ARMCX4: variants seen among roughly 807,000 people sequenced by gnomAD.
The protein encoded by ARMCX4 is armadillo repeat containing X-linked 4.
Under a neutral mutation model 34.7 loss-of-function variants are expected in ARMCX4, and 3 were observed. The observed-to-expected ratio is 0.09, with a 90% CI of 0.04 to 0.22. The LOEUF (loss-of-function observed/expected upper bound fraction) is 0.22, where lower values mean the gene tolerates loss of function less well. ARMCX4 is among the 10% of genes least tolerant of loss of function. The probability of loss-of-function intolerance (pLI) is 1.00; values close to 1 mark genes in which losing one functional copy is unlikely to be tolerated. For synonymous variants in ARMCX4, 513 were observed against 632.8 expected, an observed-to-expected ratio of 0.81 and a Z score of 2.84; for missense variants, 1,448 against 1,720.8, an observed-to-expected ratio of 0.84 and a Z score of 2.81.
At chrX:101,449,085 T>C (rs1451403291), downstream of ARMCX4, among the ~76,000 whole-genome samples, 1 of 109,605 alleles carries the variant, frequency 9.1e-6, no homozygotes, top group Admixed American at 9.7e-5. Context: ...TTCTGTATTT[T>C]TAGTAGAGAC....
At chrX:101,515,360 T>TTTCTTTCTTTCTTTCTTTCTTTCTTTCC (rs1569346499) in intron 11 of ARMCX4, among the ~76,000 whole-genome samples, 1 of 49,072 alleles carries the variant, frequency 2.0e-5, no homozygotes, top group East Asian at 6.2e-4. Context: ...TCTTTCTTTC[T>TTTCTTTCTTTCTTTCTTTCTTTCTTTCC]TTCTTTCTTT....
chrX:101,462,638 CA>C (rs34826497), intron 4 of ARMCX4, among the ~76,000 whole-genome samples: 966 of 40,613 alleles, frequency 0.024, 8 homozygotes, highest in African/African-American at 0.074. Context: ...GACTCTGTCT[CA>C]AAAAAAAAAA....
chrX:101,503,997 C>CTACA lies in ARMCX4; in HGVS notation c.*1178-937_*1178-934dup, dbSNP rs1418189858. On this transcript the variant is annotated intron_variant and NMD_transcript_variant, in intron 7 of 12. Transcript: ENST00000354842. ...AAGGAAGGGATCCAGTTTCAGCTTT[C>CTACA]TACATATGGCTAGCCAGTTTTCCCA... Among the ~76,000 whole-genome samples the CTACA allele has an allele frequency of 7.2e-5, 8 of 111,567 alleles. No homozygotes were observed. In the South Asian group the frequency reaches 2.2e-3, roughly 31 times the overall value.
chrX:101,451,579 G>GA (rs1555999094), downstream of ARMCX4, among the ~76,000 whole-genome samples: 1 of 109,499 alleles, frequency 9.1e-6, no homozygotes, highest in Non-Finnish European at 1.9e-5. Flanking sequence ...GCTTTTTTGT[G>GA]TAGTTGATAA....
At chrX:101,442,249 A>G (rs957653899) in intron 2 of ARMCX4, among the ~76,000 whole-genome samples, 2 of 112,228 alleles carry the variant, frequency 1.8e-5, no homozygotes, top group African/African-American at 6.5e-5. Context: ...CTCGAGAGCT[A>G]TTGTGAAACA....
At chrX:101,484,281 C>G (rs965113958), upstream of ARMCX4, among the ~76,000 whole-genome samples, 5 of 111,623 alleles carry the variant, frequency 4.5e-5, no homozygotes, top group Non-Finnish European at 7.5e-5. Context: ...ATGGCAGACA[C>G]CGGCGAGATC....
chrX:101,443,545 G>A (rs1931440856), intron 2 of ARMCX4, among the ~76,000 whole-genome samples: 1 of 111,985 alleles, frequency 8.9e-6, no homozygotes, highest in African/African-American at 3.2e-5. Context: ...AGCTAGACAT[G>A]GAAGGAATAA....
chrX:101,508,431 G>A (rs782648474), intron 8 of ARMCX4, among the ~76,000 whole-genome samples: 4 of 111,209 alleles, frequency 3.6e-5, no homozygotes, highest in Non-Finnish European at 7.5e-5. Context: ...TTGTTGTGTC[G>A]TCACATGGCC....
intron 4 of ARMCX4, among the ~76,000 whole-genome samples, chrX:101,469,498 T>C (rs1441451351): frequency 6.2e-5 from 7 of 112,008 alleles, no homozygotes; most frequent in African/African-American, 2.3e-4. Flanking sequence ...ATGAAACTCA[T>C]AGAAAAAGGT....
chrX:101,527,555 A>T (rs1180794374), intron 11 of ARMCX4, among the ~76,000 whole-genome samples: 18 of 111,857 alleles, frequency 1.6e-4, no homozygotes, highest in African/African-American at 5.2e-4. Context: ...GGTTTTTTGA[A>T]AAGATCAACA....
intron 4 of ARMCX4, among the ~76,000 whole-genome samples, chrX:101,457,903 C>T (rs1431621862): frequency 2.7e-5 from 3 of 109,694 alleles, no homozygotes; most frequent in Non-Finnish European, 5.7e-5. Context: ...CCACCATGCC[C>T]GGCTATTTTT....
At chrX:101,516,994 C>T (rs782402879) in intron 11 of ARMCX4, 4 of 112,050 alleles carry the variant, frequency 3.6e-5, no homozygotes, top group African/African-American at 1.3e-4. Flanking sequence ...TGCCACCAGC[C>T]TGGATAGTTG....
chrX:101,493,721 C>A lies in ARMCX4; in HGVS notation c.5132C>A (p.Ala1711Asp). 1 of 1,153,910 alleles carries A rather than the reference C, an allele frequency of 8.7e-7. No homozygotes were observed. The highest frequency in any genetic ancestry group is 1.1e-6 in the Non-Finnish European group (1 of 872,375). ...GACCAGGCCACTGGAGGATCCTGGG[C>A]TAGATCTGAGGACCAGGCCAGTGGA... ...SEDQATGGSW[A>D]RSEDQASGRF... Residue 1711 changes from alanine to aspartate, a missense_variant, in exon 6 of 6, where the codon GCT becomes GAT. Physicochemically the swap from Ala to Asp is moderately radical, Grantham distance 126. Transcript: ENST00000423738.
intron 4 of ARMCX4, among the ~76,000 whole-genome samples, chrX:101,470,380 TG>T (rs1932873357): frequency 9.0e-6 from 1 of 111,089 alleles, no homozygotes. Context: ...TGGCACAATC[TG>T]GGCTCACTGC....
At chrX:101,481,133 CA>C (rs782107689), upstream of ARMCX4, among the ~76,000 whole-genome samples, 2 of 110,302 alleles carry the variant, frequency 1.8e-5, no homozygotes, top group South Asian at 3.8e-4. Flanking sequence ...CAAAACAAAA[CA>C]AAAAAAAGGA....
At chrX:101,444,868 C>T (rs1353629904) in intron 3 of ARMCX4, among the ~76,000 whole-genome samples, 1 of 111,345 alleles carries the variant, frequency 9.0e-6, no homozygotes, top group Non-Finnish European at 1.9e-5. Flanking sequence ...GATCTACTCT[C>T]TTAGCAAATT....
chrX:101,493,676 G>C lies in ARMCX4; in HGVS notation c.5087G>C (p.Gly1696Ala). The C allele has an allele frequency of 1.7e-6, 2 of 1,154,402 alleles. No individual in the cohort carries two copies. The highest frequency in any genetic ancestry group is 3.8e-5 in the South Asian group (2 of 52,579). The stretch of plus-strand genomic sequence containing the variant: ...AGGCCTGGGAATGAGGCCATTGGAG[G>C]ATCTAGGATGGGATCTGAGGACCAG... ...GSRPGNEAIG[G>A]SRMGSEDQAT... The change falls in exon 6 of 6, where the codon GGA (glycine) becomes GCA (alanine). Residue 1696 changes from glycine (G) to alanine (A), a missense_variant. Gly to Ala is a moderately conservative substitution (Grantham distance 60). This residue lies in a region of ARMCX4 where 1,343 missense variants were observed against 1,540.7 expected (regional missense o/e 0.87). Coordinates refer to ENST00000423738, the MANE Select transcript of ARMCX4 (RefSeq NM_001256155.3).
chrX:101,424,700 C>T lies in ARMCX4; in HGVS notation n.164+5700C>T, dbSNP rs918567868. The stretch of plus-strand genomic sequence containing the variant: ...AGGAAAATCCACATTTTGTTTACTC[C>T]CCCCTGTATCTTACAGTGAGAGTGA... On this transcript the variant is annotated intron_variant and non_coding_transcript_variant, in intron 2 of 3. Coordinates refer to the ARMCX4 transcript ENST00000430461. Among the ~76,000 whole-genome samples the T allele has an allele frequency of 1.1e-3, 121 of 111,712 alleles. 1 individual carries two copies. The highest frequency in any genetic ancestry group is 6.1e-3 in the Admixed American group (64 of 10,497).
chrX:101,441,591 TACAC>T (rs10631945), intron 2 of ARMCX4, among the ~76,000 whole-genome samples: 2 of 104,722 alleles, frequency 1.9e-5, no homozygotes, highest in Non-Finnish European at 2.0e-5. Flanking sequence ...TATACATACA[TACAC>T]ACACACACAC....
Sources: allele counts gnomAD v4.1 joint callset (sites outside exome capture counted in the v4.1 genomes callset), GRCh38; gene constraint gnomAD v4.1.1; regional missense constraint gnomAD v4.1.1; transcripts MANE v1.5; gene names NCBI Gene and HGNC (gene_info 2026-07-23, HGNC 2026-07-21).